The following ERAP1 variants were observed in gnomAD, a reference collection of about 807,000 sequenced individuals.
ERAP1 encodes the protein endoplasmic reticulum aminopeptidase 1.
ERAP1 carries 86 observed loss-of-function variants against 103.7 expected under a neutral mutation model. The ratio of observed to expected loss-of-function variants is 0.83; its 90% CI spans 0.70 to 0.99. The LOEUF is 0.99. Ranked by LOEUF, ERAP1 falls within the 50% of genes least tolerant of loss-of-function variation. The pLI is 0.00. For missense variants in ERAP1, 1,009 were observed against 1,128.4 expected, an observed-to-expected ratio of 0.89 and a Z score of 1.52; for synonymous variants, 398 against 402.4, an observed-to-expected ratio of 0.99 and a Z score of 0.13.
Position 96,776,123 on chromosome 5 carries a change from TGAG to T in ERAP1, c.*270_*272del. On this transcript the variant is annotated 3_prime_UTR_variant, in exon 19 of 19. Coordinates refer to ENST00000443439, the MANE Select transcript of ERAP1 (RefSeq NM_001040458.3). ...GGGTGCTTAAGCATAAACTATAAAA[TGAG>T]AAGAATAAGGTACTTTATTCTTCTG... 7.1e-7 allele frequency: 1 copy of T among 1,409,164 alleles called. No individual in the cohort carries two copies. Among genetic ancestry groups the T allele is most frequent in the Non-Finnish European group, 9.4e-7 (1 of 1,067,146 alleles). The allele number at this position is 1,409,164 out of a possible 1,614,324, so 87.3% of individuals were successfully genotyped here.
chr5:96,806,780 T>G (rs62376387), intron 1 of ERAP1, among the ~76,000 whole-genome samples: 25,007 of 151,476 alleles, frequency 0.17, 2,407 homozygotes, highest in Middle Eastern at 0.29. Context: ...TAATTGAGGT[T>G]CTTCCAGAAT....
At chr5:96,782,492 T>A (rs1003566630) in intron 15 of ERAP1, among the ~76,000 whole-genome samples, 1 of 152,144 alleles carries the variant, frequency 6.6e-6, no homozygotes, top group African/African-American at 2.4e-5. Context: ...TATTCAAAAT[T>A]TACACCATGA....
chr5:96,911,907 T>C, the ERAP1 span, among the ~76,000 whole-genome samples: 10 of 113,892 alleles, frequency 8.8e-5, no homozygotes, highest in African/African-American at 3.3e-4. Flanking sequence ...AAGAAAAAAA[T>C]GGCCGGGCGC....
exon 20 of ERAP1, chr5:96,763,117 T>C (rs1768574577): frequency 3.9e-6 from 3 of 779,112 alleles, no homozygotes; most frequent in Admixed American, 1.7e-5. Context: ...GAAGTAACTT[T>C]AGCGAAGTCA....
upstream of ERAP1, among the ~76,000 whole-genome samples, chr5:96,810,966 A>T (rs1430247225): frequency 6.6e-6 from 1 of 152,202 alleles, no homozygotes; most frequent in South Asian, 2.1e-4. Context: ...AGACAAAAGC[A>T]GGCCTGCTCT....
At chr5:96,823,232 G>C in the ERAP1 span, 1 of 417,740 alleles carries the variant, frequency 2.4e-6, no homozygotes, top group Non-Finnish European at 4.9e-6. Context: ...TATTCCATTT[G>C]GAGGAAATAA....
At chr5:96,914,875 A>G in the ERAP1 span, among the ~76,000 whole-genome samples, 142 of 152,256 alleles carry the variant, frequency 9.3e-4, no homozygotes, top group African/African-American at 3.2e-3. Context: ...TTCTTATCTA[A>G]TTTTAAATTT....
At chr5:96,849,846 T>A in the ERAP1 span, among the ~76,000 whole-genome samples, 44,510 of 151,982 alleles carry the variant, frequency 0.29, 6,591 homozygotes, top group East Asian at 0.33. Context: ...TGACACTGTT[T>A]AATTTCAAAA....
intron 13 of ERAP1, chr5:96,785,450 C>T (rs1185143867): frequency 1.7e-5 from 6 of 362,314 alleles, no homozygotes; most frequent in South Asian, 4.5e-5. Context: ...TCCGGTATAG[C>T]GGGGCCAGAA....
the ERAP1 span, among the ~76,000 whole-genome samples, chr5:96,884,388 C>G: frequency 6.6e-6 from 1 of 152,178 alleles, no homozygotes; most frequent in Non-Finnish European, 1.5e-5. Context: ...GCTGACGGTC[C>G]AGAGACCCCT....
the ERAP1 span, among the ~76,000 whole-genome samples, chr5:96,865,388 T>C: frequency 3.9e-5 from 6 of 152,178 alleles, no homozygotes; most frequent in African/African-American, 1.4e-4. Flanking sequence ...ATTGTAAATA[T>C]GTGTATAAAA....
chr5:96,915,521 C>G, the ERAP1 span, among the ~76,000 whole-genome samples: 1 of 152,234 alleles, frequency 6.6e-6, no homozygotes, highest in African/African-American at 2.4e-5. Flanking sequence ...AGTTTCACAG[C>G]TTTAGAATTG....
At chr5:96,786,041 T>G in intron 12 of ERAP1, 70 bp from the exon 13 acceptor site, 1 of 1,457,332 alleles carries the variant, frequency 6.9e-7, no homozygotes, top group Non-Finnish European at 9.5e-7. Context: ...TCATCCAAGA[T>G]TGGGCAAGGA....
At chr5:96,912,885 G>C in the ERAP1 span, 1 of 1,078,182 alleles carries the variant, frequency 9.3e-7, no homozygotes, top group Non-Finnish European at 1.3e-6. Context: ...CAGTTTTAAA[G>C]GCATAAGATA....
At chr5:96,818,444 T>C in the ERAP1 span, among the ~76,000 whole-genome samples, 1 of 148,680 alleles carries the variant, frequency 6.7e-6, no homozygotes, top group Non-Finnish European at 1.5e-5. Context: ...TTTTTTTTCC[T>C]TTATGTTCCC....
At chr5:96,917,797 T>C in the ERAP1 span, 12 of 313,316 alleles carry the variant, frequency 3.8e-5, no homozygotes, top group Admixed American at 5.4e-4. Context: ...TCCCAGCTAC[T>C]CGGCAGGCTG....
chr5:96,912,779 C>A, the ERAP1 span: 1 of 1,598,718 alleles, frequency 6.3e-7, no homozygotes, highest in Admixed American at 1.8e-5. Context: ...AACGAGCAAG[C>A]ATCAGGAAAA....
rs747595354 is a variant in ERAP1, at chr5:96,783,906, T to A, written c.2100+18A>T. ...TAACACAAATAATAATTACATAACT[T>A]TTATTTCAGGCTTTTACCTTGAATT... On this transcript the variant is annotated intron_variant, in intron 14 of 18. Coordinates refer to ENST00000443439, the MANE Select transcript of ERAP1 (RefSeq NM_001040458.3). 3.1e-6 allele frequency: 5 copies of A among 1,596,732 alleles called. No individual in the cohort carries two copies. The highest frequency in any genetic ancestry group is 1.3e-5 in the African/African-American group (1 of 74,508).
At chr5:96,921,186 TC>T in the ERAP1 span, among the ~76,000 whole-genome samples, 1 of 152,262 alleles carries the variant, frequency 6.6e-6, no homozygotes, top group Non-Finnish European at 1.5e-5. Flanking sequence ...CTTCAGATGC[TC>T]TCAAGGTGAA....
Sources: allele counts gnomAD v4.1 joint callset (sites outside exome capture counted in the v4.1 genomes callset), GRCh38; gene constraint gnomAD v4.1.1; transcripts MANE v1.5; gene names NCBI Gene and HGNC (gene_info 2026-07-23, HGNC 2026-07-21).